CFH: variants seen among roughly 807,000 people sequenced by gnomAD.
The protein encoded by CFH is complement factor H.
Under a neutral mutation model 147.3 loss-of-function variants are expected in CFH, and 53 were observed. The observed-to-expected ratio is 0.36, with a 90% CI of 0.29 to 0.45. The LOEUF is 0.45. Ranked by LOEUF, CFH falls within the 20% of genes least tolerant of loss-of-function variation. The probability of loss-of-function intolerance (pLI) is 1.00; values close to 1 mark genes in which losing one functional copy is unlikely to be tolerated. For synonymous variants in CFH, 536 were observed against 489.4 expected (o/e 1.10, Z -1.26); for missense variants, 1,380 against 1,498.0 (o/e 0.92, Z 1.30).
chr1:196,726,427 A>G (rs745624534), intron 12 of CFH, 43 bp from the exon 13 acceptor site: 25 of 1,452,566 alleles, frequency 1.7e-5, no homozygotes, highest in Non-Finnish European at 3.8e-6. Flanking sequence ...TATATTGTAA[A>G]ACAGACAATT....
In CFH at chr1:196,673,926, A is replaced by G; in HGVS notation, c.314A>G (p.Glu105Gly). 6.2e-7 allele frequency: 1 copy of G among 1,613,364 alleles called. No homozygotes were observed. Among genetic ancestry groups the G allele is most frequent in the South Asian group, 1.1e-5 (1 of 91,068 alleles). Residue 105 changes from glutamate (E) to glycine (G), a missense_variant, in exon 3 of 22, where the codon GAA becomes GGA. This residue lies in a region of CFH where 260 missense variants were observed against 263.3 expected (regional missense o/e 0.99). Transcript: ENST00000367429. ...ACCCTTACAGGAGGAAATGTGTTTG[A>G]ATATGGTGTAAAAGCTGTGTATACA... Reference protein sequence around the residue: ...TFTLTGGNVFEYGVKAVYTCN... With the variant: ...TFTLTGGNVFGYGVKAVYTCN...
At chr1:196,718,772 C>T (rs203673) in intron 11 of CFH, among the ~76,000 whole-genome samples, 4,738 of 152,030 alleles carry the variant, frequency 0.031, 225 homozygotes, top group African/African-American at 0.1. Context: ...GTTGGAGTGG[C>T]GGACATAGCA....
chr1:196,736,910 A>G lies in CFH; in HGVS notation c.2500A>G (p.Lys834Glu), dbSNP rs147099450. ...TTTLNYRDGE[K>E]VSVLCQENYL... is the part of the protein sequence containing the mutation. ...CACACTGAATTATCGGGATGGAGAAAAAGTATCTGTTCTTTGCCAAGAAAA... is the reference window on the plus strand; with the variant it reads ...CACACTGAATTATCGGGATGGAGAAGAAGTATCTGTTCTTTGCCAAGAAAA... The change falls in exon 16 of 22, where the codon AAA becomes GAA. Residue 834 changes from lysine (K) to glutamate (E), a missense_variant. Lys to Glu is a moderately conservative substitution (Grantham distance 56). This residue lies in a region of CFH where 830 missense variants were observed against 821.4 expected (regional missense o/e 1.01). Coordinates refer to ENST00000367429, the MANE Select transcript of CFH (RefSeq NM_000186.4). The G allele has an allele frequency of 1.2e-6, 2 of 1,610,682 alleles. No homozygotes were observed. The highest frequency in any genetic ancestry group is 1.7e-6 in the Non-Finnish European group (2 of 1,177,994).
rs180710653 is a variant in CFH at position 196,738,894 on chromosome 1, C to T, written c.2782+1234C>T. Among the ~76,000 whole-genome samples the T allele has an allele frequency of 2.1e-4, 32 of 152,330 alleles. No homozygotes were observed. In the East Asian group the frequency reaches 5.2e-3, roughly 25 times the overall value. On this transcript the variant is annotated intron_variant, in intron 17 of 21. Transcript: ENST00000367429. ...GCAGAGGTTCTCCATGTGGGCTCCCCCCTGCAGCAAACTTCTGCCTGGACA... is the reference window on the plus strand; with the variant it reads ...GCAGAGGTTCTCCATGTGGGCTCCCTCCTGCAGCAAACTTCTGCCTGGACA...
At chr1:196,701,528 G>GCCT in intron 9 of CFH, 1 of 704,918 alleles carries the variant, frequency 1.4e-6, no homozygotes, top group Non-Finnish European at 2.3e-6. Flanking sequence ...CAATGGGGCT[G>GCCT]GTGGCTTTGA....
Position 196,672,985 on chromosome 1 carries a change from T to A in CFH, c.66T>A (p.Asn22Lys). The change falls in exon 2 of 22, where the codon AAT (asparagine) becomes AAA (lysine). Residue 22 changes from asparagine (N) to lysine (K), a missense_variant. By Grantham distance (94) the Asn-to-Lys change is moderately conservative (BLOSUM62 0). Around this residue, in one of 4 missense-constraint regions of CFH, gnomAD observed 260 missense variants for 263.3 expected, o/e 0.99. Coordinates refer to ENST00000367429, the MANE Select transcript of CFH (RefSeq NM_000186.4). ...TGTTTTTATTGTTTGTAGATTGCAA[T>A]GAACTTCCTCCAAGAAGAAATACAG... is the stretch of plus-strand genomic sequence containing the variant. The part of the protein sequence containing the change: ...LWAICVAEDC[N>K]ELPPRRNTEI... 6.2e-7 allele frequency: 1 copy of A among 1,613,868 alleles called. No individual in the cohort carries two copies. Among genetic ancestry groups the A allele is most frequent in the Non-Finnish European group, 8.5e-7 (1 of 1,179,836 alleles).
intron 19 of CFH, among the ~76,000 whole-genome samples, chr1:196,742,739 C>A (rs542704706): frequency 2.6e-5 from 4 of 152,208 alleles, no homozygotes; most frequent in African/African-American, 9.6e-5. Context: ...TCTATTTACA[C>A]TTCCGAGTGA....
intron 9 of CFH, among the ~76,000 whole-genome samples, chr1:196,707,897 C>A (rs573461587): frequency 6.6e-5 from 10 of 152,254 alleles, no homozygotes; most frequent in South Asian, 6.2e-4. Flanking sequence ...TATTCCCTGC[C>A]TTACTGAATG....
intron 1 of CFH, among the ~76,000 whole-genome samples, chr1:196,662,610 G>A (rs1001659752): frequency 2.6e-5 from 4 of 152,016 alleles, no homozygotes; most frequent in South Asian, 2.1e-4. Flanking sequence ...GCCCGGGCAC[G>A]GTGGCTCACT....
intron 9 of CFH, among the ~76,000 whole-genome samples, chr1:196,702,322 A>G (rs1668477527): frequency 6.6e-6 from 1 of 151,946 alleles, no homozygotes; most frequent in Non-Finnish European, 1.5e-5. Flanking sequence ...CCAACAGGGA[A>G]CTCCATTTAG....
At chr1:196,665,150 TTAGA>T (rs1184041968) in intron 1 of CFH, among the ~76,000 whole-genome samples, 1 of 151,618 alleles carries the variant, frequency 6.6e-6, no homozygotes, top group African/African-American at 2.4e-5. Flanking sequence ...ACATTTTTCT[TTAGA>T]TAGTGTTTAG....
intron 9 of CFH, among the ~76,000 whole-genome samples, chr1:196,702,149 T>C (rs1186060727): frequency 6.6e-6 from 1 of 152,212 alleles, no homozygotes; most frequent in East Asian, 1.9e-4. Flanking sequence ...AAGGAACCTA[T>C]GACTCACCCC....
intron 17 of CFH, among the ~76,000 whole-genome samples, chr1:196,739,032 G>T (rs892038491): frequency 6.6e-6 from 1 of 152,236 alleles, no homozygotes; most frequent in Non-Finnish European, 1.5e-5. Context: ...AAGGCTTGGG[G>T]TTTCACCCTT....
At position 196,733,031 on chromosome 1, in the gene CFH, C is replaced by T. The variant is rs965768528; in HGVS notation, c.2414-3793C>T. Among the ~76,000 whole-genome samples the T allele has an allele frequency of 2.0e-5, 3 of 151,884 alleles. No homozygotes were observed. The South Asian group carries it at 6.2e-4, about 31-fold the overall frequency. ...CAGGAATGCAGATCTCTATCATCTC[C>T]CAGTGTGAGTTTGTTAAGGAGACGA... is the stretch of plus-strand genomic sequence containing the variant. On this transcript the variant is annotated intron_variant, in intron 15 of 21. Coordinates refer to ENST00000367429, the MANE Select transcript of CFH (RefSeq NM_000186.4).
intron 9 of CFH, among the ~76,000 whole-genome samples, chr1:196,711,027 C>A (rs985302233): frequency 5.3e-5 from 8 of 151,900 alleles, no homozygotes; most frequent in African/African-American, 1.9e-4. Flanking sequence ...TATGTAAAAA[C>A]CATAATGATG....
intron 20 of CFH, 149 bp from the exon 21 acceptor site, chr1:196,745,668 G>A (rs1293671244): frequency 2.3e-5 from 25 of 1,064,278 alleles, no homozygotes; most frequent in South Asian, 1.1e-4. Context: ...AGTTTAAAGG[G>A]TTAAAATTTC....
At chr1:196,737,704 C>T in intron 17 of CFH, 44 bp downstream of exon 17, 2 of 1,522,060 alleles carry the variant, frequency 1.3e-6, no homozygotes, top group Non-Finnish European at 1.8e-6. Context: ...TAGTAGAATT[C>T]ATAAAAATAA....
intron 9 of CFH, among the ~76,000 whole-genome samples, chr1:196,699,179 T>C (rs564788894): frequency 6.6e-6 from 1 of 152,260 alleles, no homozygotes; most frequent in Admixed American, 6.5e-5. Flanking sequence ...ACATACTCAG[T>C]GTATGTGAGA....
chr1:196,666,326 A>G (rs560661195), intron 1 of CFH, among the ~76,000 whole-genome samples: 315 of 152,262 alleles, frequency 2.1e-3, no homozygotes, highest in African/African-American at 7.2e-3. Context: ...AATTTGGATA[A>G]TTGATTTCCA....
Sources: allele counts gnomAD v4.1 joint callset (sites outside exome capture counted in the v4.1 genomes callset), GRCh38; gene constraint gnomAD v4.1.1; regional missense constraint gnomAD v4.1.1; transcripts MANE v1.5; gene names NCBI Gene and HGNC (gene_info 2026-07-23, HGNC 2026-07-21).